CACNA1G: variants seen among roughly 807,000 people sequenced by gnomAD.
The protein encoded by CACNA1G is calcium voltage-gated channel subunit alpha1 G.
A neutral mutation model predicts 219.4 loss-of-function variants in CACNA1G; 67 were observed. The observed-to-expected ratio is 0.31, with a 90% CI of 0.25 to 0.37. The LOEUF (loss-of-function observed/expected upper bound fraction) is 0.37. Among genes scored for constraint, CACNA1G ranks in the 10% least tolerant of loss-of-function variants. CACNA1G has a pLI of 1.00. For synonymous variants in CACNA1G, 1,296 were observed against 1,345.3 expected (o/e 0.96, Z 0.80); for missense variants, 2,380 against 3,231.4 (o/e 0.74, Z 6.39).
At chr17:50,590,757 C>A in intron 10 of CACNA1G, 135 bp downstream of exon 10, 1 of 738,812 alleles carries the variant, frequency 1.4e-6, no homozygotes, top group Non-Finnish European at 2.2e-6. Context: ...CAGGACCTGC[C>A]ACTCCTCCTA....
chr17:50,624,324 T>TGCCCCCCCCCCCCCCCCCCCAGCCCCC, intron 36 of CACNA1G, 36 bp from the exon 37 acceptor site: 3 of 1,177,662 alleles, frequency 2.5e-6, no homozygotes, highest in Non-Finnish European at 2.4e-6. Flanking sequence ...CTCCATTCTC[T>TGCCCCCCCCCCCCCCCCCCCAGCCCCC]CCCCCCACCC....
chr17:50,567,985 A>T (rs527610061), intron 1 of CACNA1G, among the ~76,000 whole-genome samples: 6 of 152,140 alleles, frequency 3.9e-5, no homozygotes, highest in Non-Finnish European at 8.8e-5. Flanking sequence ...GACATTGTCC[A>T]CTCTGCACGG....
At chr17:50,592,235 T>G in intron 13 of CACNA1G, 143 bp downstream of exon 13, 1 of 835,990 alleles carries the variant, frequency 1.2e-6, no homozygotes, top group South Asian at 1.8e-5. Context: ...TAAGCCGGGG[T>G]GGACCAGGGC....
chr17:50,579,223 C>G (rs563878964), intron 9 of CACNA1G, among the ~76,000 whole-genome samples: 1 of 152,220 alleles, frequency 6.6e-6, no homozygotes, highest in Non-Finnish European at 1.5e-5. Flanking sequence ...TTAGGAGGAG[C>G]AAGGGCTCAG....
chr17:50,604,292 T>C lies in CACNA1G; in HGVS notation c.4296+11T>C, dbSNP rs1205692002. ...ATCTTGGGGGTGCAGGTGTGTGGGG[T>C]TCTGGGGGCCAGCTGTGGGTGAAAG... is the stretch of plus-strand genomic sequence containing the variant. On this transcript the variant is annotated intron_variant, in intron 22 of 37. Transcript: ENST00000359106. 3 of 1,612,140 alleles carry C rather than the reference T, an allele frequency of 1.9e-6. No individual in the cohort carries two copies. Among genetic ancestry groups the C allele is most frequent in the African/African-American group, 1.3e-5 (1 of 74,888 alleles).
At chr17:50,587,599 G>C (rs1263896752) in intron 9 of CACNA1G, among the ~76,000 whole-genome samples, 2 of 152,242 alleles carry the variant, frequency 1.3e-5, no homozygotes, top group Non-Finnish European at 2.9e-5. Flanking sequence ...GGAATACCGG[G>C]GCCCTGGAGA....
Position 50,619,769 on chromosome 17 carries a change from AG to A in CACNA1G, c.5873del (p.Gly1958AlafsTer21). 1.9e-6 allele frequency: 3 copies of A among 1,607,350 alleles called. No individual in the cohort carries two copies. The highest frequency in any genetic ancestry group is 1.7e-6 in the Non-Finnish European group (2 of 1,178,034). ...AGCTGATGGACGAGCTGGCAGGCCC[AG>A]GGGGCCAGCCCTCTGCCTTCCCTTC... Reference protein sequence around the residue: ...LKLMDELAGPGGQPSAFPSAP... With the variant: ...LKLMDELAGPXGQPSAFPSAP... On this transcript the variant is annotated frameshift_variant, in exon 34 of 38. Transcript: ENST00000359106. LOFTEE classifies it high-confidence loss of function.
rs138757075 is a variant in CACNA1G, at chr17:50,581,249, C to T, written c.2301+2685C>T. ...CAGAGAGGGAGCTGAAGACAGAGAC[C>T]GAGTCCCAGATGCAAATGAGGGCAG... is the stretch of plus-strand genomic sequence containing the variant. On this transcript the variant is annotated intron_variant, in intron 9 of 37. Transcript: ENST00000359106. Among the ~76,000 whole-genome samples the T allele has an allele frequency of 1.1e-4, 16 of 151,552 alleles. No homozygotes were observed. In the East Asian group the frequency reaches 2.9e-3, roughly 28 times the overall value.
chr17:50,624,330 C>CCCCCCCCCCCCCCGCCCCCCCCCA, intron 36 of CACNA1G, 30 bp from the exon 37 acceptor site: 1 of 1,202,062 alleles, frequency 8.3e-7, no homozygotes, highest in Non-Finnish European at 1.2e-6. Context: ...TCTCTCCCCC[C>CCCCCCCCCCCCCCGCCCCCCCCCA]ACCCCTCCCC....
At chr17:50,623,823 C>A in intron 35 of CACNA1G, 84 bp from the exon 36 acceptor site, 2 of 1,436,828 alleles carry the variant, frequency 1.4e-6, no homozygotes, top group Non-Finnish European at 1.9e-6. Context: ...GGGGGCGCTG[C>A]TGCTTTCTGT....
chr17:50,575,810 C>T lies in CACNA1G; in HGVS notation c.1408C>T (p.Pro470Ser). ...VRVGLLSSPAPLGGQETQPSS... is the reference protein window; with the variant it reads ...VRVGLLSSPASLGGQETQPSS... Reference sequence around the variant, plus strand: ...GGTTGGGCTGCTCAGCAGCCCAGCACCCCTCGGGGGCCAGGAGACCCAGCC... The same window carrying T: ...GGTTGGGCTGCTCAGCAGCCCAGCATCCCTCGGGGGCCAGGAGACCCAGCC... The change falls in exon 8 of 38, where the codon CCC (proline) becomes TCC (serine). Residue 470 changes from proline (P) to serine (S), a missense_variant. By Grantham distance (74) the Pro-to-Ser change is moderately conservative. Around this residue, in one of 17 missense-constraint regions of CACNA1G, gnomAD observed 434 missense variants for 417.3 expected, o/e 1.04. Transcript: ENST00000359106. 3 of 1,551,638 alleles carry T rather than the reference C, an allele frequency of 1.9e-6. No individual in the cohort carries two copies. Among genetic ancestry groups the T allele is most frequent in the Non-Finnish European group, 2.6e-6 (3 of 1,147,752 alleles).
rs573373081 is a variant in CACNA1G, at chr17:50,578,583, G to C, written c.2301+19G>C. Reference sequence around the variant, plus strand: ...CGAGCAGGTAGGAGAGTGGGCAGAGGCAGGGCTCCTGCCAGCTGCTTTTCG... The same window carrying C: ...CGAGCAGGTAGGAGAGTGGGCAGAGCCAGGGCTCCTGCCAGCTGCTTTTCG... On this transcript the variant is annotated intron_variant, in intron 9 of 37. Coordinates refer to ENST00000359106, the MANE Select transcript of CACNA1G (RefSeq NM_018896.5). The surrounding 1 kb of genome is among the most constrained non-coding windows in gnomAD (Gnocchi z 4.5). 1.3e-6 allele frequency: 2 copies of C among 1,526,732 alleles called. No homozygotes were observed. Among genetic ancestry groups the C allele is most frequent in the African/African-American group, 2.8e-5 (2 of 72,026 alleles). The allele number at this position is 1,526,732 out of a possible 1,614,324, so 94.6% of individuals were successfully genotyped here.
At chr17:50,612,745 C>T (rs553345106) in intron 26 of CACNA1G, among the ~76,000 whole-genome samples, 3 of 152,342 alleles carry the variant, frequency 2.0e-5, no homozygotes, top group South Asian at 2.1e-4. Flanking sequence ...CTCCCTGCCC[C>T]GAAGTGGGGA....
chr17:50,608,880 G>T lies in CACNA1G; in HGVS notation c.4705+861G>T, dbSNP rs115180344. On this transcript the variant is annotated intron_variant, in intron 25 of 37. Transcript: ENST00000359106. The stretch of plus-strand genomic sequence containing the variant: ...CTCCCGGGCTCCAGGGCTCCCATCT[G>T]CCTGGTACAGCGTAATCTCCGCGCC... 3.8e-3 allele frequency among the ~76,000 whole-genome samples: 584 copies of T among 152,276 alleles called. 6 individuals carry two copies. The highest frequency in any genetic ancestry group is 0.013 in the African/African-American group (535 of 41,548).
Position 50,624,340 on chromosome 17 carries a change from CCG to C in CACNA1G, c.6230-18_6230-17del, listed in dbSNP as rs776509692. On this transcript the variant is annotated intron_variant, in intron 36 of 37. Transcript: ENST00000359106. Reference sequence around the variant, plus strand: ...TCCATTCTCTCCCCCCACCCCTCCCCCGCTTCCCTCCCTCCACAGGCTCCGTC... The same window carrying C: ...TCCATTCTCTCCCCCCACCCCTCCCCCTTCCCTCCCTCCACAGGCTCCGTC... 8.0e-6 allele frequency: 12 copies of C among 1,506,994 alleles called. No individual in the cohort carries two copies. In the Admixed American group the frequency reaches 2.3e-4, roughly 29 times the overall value. The allele number at this position is 1,506,994 out of a possible 1,614,324, so 93.4% of individuals were successfully genotyped here.
Position 50,617,793 on chromosome 17 carries a change from T to C in CACNA1G, c.5156-66T>C. 1 of 1,578,192 alleles carries C rather than the reference T, an allele frequency of 6.3e-7. No homozygotes were observed. Among genetic ancestry groups the C allele is most frequent in the Non-Finnish European group, 8.7e-7 (1 of 1,153,562 alleles). ...AGCAGCCCCAGCCCAGCCCTGGTCC[T>C]GACTCTGCCAGCTGTCTGGCCGGGG... is the stretch of plus-strand genomic sequence containing the variant. On this transcript the variant is annotated intron_variant, in intron 29 of 37. Transcript: ENST00000359106. The surrounding 1 kb of genome is among the most constrained non-coding windows in gnomAD (Gnocchi z 5.8).
At chr17:50,601,958 G>A (rs1017863220) in intron 19 of CACNA1G, among the ~76,000 whole-genome samples, 1 of 152,144 alleles carries the variant, frequency 6.6e-6, no homozygotes, top group Non-Finnish European at 1.5e-5. Flanking sequence ...TATTAGGGTC[G>A]GGGTGGAGGG....
chr17:50,581,102 GGGA>G (rs1055369113), intron 9 of CACNA1G, among the ~76,000 whole-genome samples: 4 of 151,726 alleles, frequency 2.6e-5, no homozygotes, highest in Non-Finnish European at 5.9e-5. Flanking sequence ...ATGGAGACGG[GGGA>G]GGAGGGCAGG....
At chr17:50,572,526 C>T (rs763244452) in intron 5 of CACNA1G, 28 bp from the exon 6 acceptor site, 2 of 1,503,014 alleles carry the variant, frequency 1.3e-6, no homozygotes, top group Non-Finnish European at 1.8e-6. Flanking sequence ...TCCCCAGTCT[C>T]ACCCCTGTTC....
Sources: allele counts gnomAD v4.1 joint callset (sites outside exome capture counted in the v4.1 genomes callset), GRCh38; gene constraint gnomAD v4.1.1; regional missense constraint gnomAD v4.1.1; non-coding constraint Gnocchi (gnomAD v3.1); transcripts MANE v1.5; gene names NCBI Gene and HGNC (gene_info 2026-07-23, HGNC 2026-07-21).